The following DNHD1 variants were observed in gnomAD, a reference collection of about 807,000 sequenced individuals.
DNHD1 encodes dynein heavy chain domain-containing protein 1.
A neutral mutation model predicts 458.1 loss-of-function variants in DNHD1; 383 were observed. The ratio of observed to expected loss-of-function variants is 0.84; its 90% CI spans 0.77 to 0.91. The LOEUF (loss-of-function observed/expected upper bound fraction) is 0.91. Among genes scored for constraint, DNHD1 ranks in the 40% least tolerant of loss-of-function variants. The pLI is 0.00. For missense variants in DNHD1, 5,336 were observed against 5,866.1 expected, an observed-to-expected ratio of 0.91 and a Z score of 2.95; for synonymous variants, 2,203 against 2,376.9, an observed-to-expected ratio of 0.93 and a Z score of 2.13.
intron 14 of DNHD1, 197 bp downstream of exon 14, chr11:6,534,370 A>T: frequency 1.7e-6 from 1 of 596,966 alleles, no homozygotes; most frequent in Non-Finnish European, 2.8e-6. Context: ...TGTTGTGCTT[A>T]GGGTGGGGGT....
chr11:6,514,199 G>A (rs1182532123), intron 7 of DNHD1, among the ~76,000 whole-genome samples: 1 of 152,100 alleles, frequency 6.6e-6, no homozygotes, highest in Admixed American at 6.5e-5. Flanking sequence ...CACCTCCTGT[G>A]TTCAAGTGAT....
chr11:6,552,415 T>C (rs1448142514), intron 24 of DNHD1, among the ~76,000 whole-genome samples: 24 of 151,864 alleles, frequency 1.6e-4, no homozygotes, highest in Admixed American at 1.6e-3. Context: ...TCCCAACTAC[T>C]TGGGAGGCTG....
intron 6 of DNHD1, among the ~76,000 whole-genome samples, chr11:6,509,692 T>C (rs2134376551): frequency 6.6e-6 from 1 of 152,326 alleles, no homozygotes; most frequent in South Asian, 2.1e-4. Flanking sequence ...TTCCAAGATA[T>C]TACTTGGATT....
chr11:6,549,891 G>T (rs1289304582), intron 24 of DNHD1, among the ~76,000 whole-genome samples: 1 of 152,188 alleles, frequency 6.6e-6, no homozygotes, highest in Non-Finnish European at 1.5e-5. Flanking sequence ...GAAGTGTAAA[G>T]TTTCTAAAGT....
Position 6,566,584 on chromosome 11 carries a change from A to C in DNHD1, c.11207-3A>C, listed in dbSNP as rs1329213371. On this transcript the variant is annotated splice_region_variant and splice_polypyrimidine_tract_variant and intron_variant, in intron 34 of 42. Coordinates refer to ENST00000254579, the MANE Select transcript of DNHD1 (RefSeq NM_144666.3). ...GGTTAAGCATCTCCCATGTTACCCC[A>C]AGTGCTAGGTTGTGAACTGCTAAAG... 1.9e-6 allele frequency: 3 copies of C among 1,613,214 alleles called. No homozygotes were observed. The Admixed American group carries it at 5.0e-5, about 27-fold the overall frequency.
At position 6,498,424 on chromosome 11, in the gene DNHD1, C is replaced by T. The variant is rs2134358832; in HGVS notation, c.209C>T (p.Ser70Leu). The T allele has an allele frequency of 6.2e-7, 1 of 1,614,222 alleles. No individual in the cohort carries two copies. The highest frequency in any genetic ancestry group is 1.6e-4 in the Middle Eastern group (1 of 6,062). Reference protein sequence around the residue: ...LLLAELRTLFSAVLQDSSPAA... With the variant: ...LLLAELRTLFLAVLQDSSPAA... ...CTAGCTGAGCTCCGAACTCTGTTCT[C>T]AGCTGTGTTGCAGGACAGTAGCCCT... Residue 70 changes from serine (S) to leucine (L), a missense_variant, in exon 3 of 43, where the codon TCA (serine) becomes TTA (leucine). Physicochemically the swap from Ser to Leu is moderately radical, Grantham distance 145 (BLOSUM62 -2). This residue lies in a region of DNHD1 where 3,932 missense variants were observed against 4,365.6 expected (regional missense o/e 0.90). Coordinates refer to ENST00000254579, the MANE Select transcript of DNHD1 (RefSeq NM_144666.3).
chr11:6,552,130 T>C (rs772450494), intron 24 of DNHD1, among the ~76,000 whole-genome samples: 3 of 149,886 alleles, frequency 2.0e-5, no homozygotes, highest in Non-Finnish European at 4.4e-5. Context: ...AAAAACTTTA[T>C]GCTAATAAAT....
intron 6 of DNHD1, among the ~76,000 whole-genome samples, chr11:6,510,760 T>G (rs555758128): frequency 2.0e-4 from 31 of 152,326 alleles, no homozygotes; most frequent in Non-Finnish European, 3.5e-4. Context: ...GTCTGATTAT[T>G]AGGAGTCTTT....
In DNHD1 at chr11:6,551,675, G is replaced by C. The variant is rs147004542; in HGVS notation, c.7387+2742G>C. ...AAGGGAGCCAGGGCCGGGCACTGTG[G>C]CTCACGCCTGTAATCCCGGCACTTT... On this transcript the variant is annotated intron_variant, in intron 24 of 42. Transcript: ENST00000254579. Among the ~76,000 whole-genome samples the C allele has an allele frequency of 1.8e-4, 28 of 152,314 alleles. No individual in the cohort carries two copies. The East Asian group carries it at 4.4e-3, about 24-fold the overall frequency.
At position 6,528,639 on chromosome 11, in the gene DNHD1, A is replaced by C; in HGVS notation, c.1955A>C (p.Lys652Thr). 1 of 1,551,708 alleles carries C rather than the reference A, an allele frequency of 6.4e-7. No homozygotes were observed. Among genetic ancestry groups the C allele is most frequent in the Non-Finnish European group, 8.7e-7 (1 of 1,147,004 alleles). ...AATGTGGGATTGGTGTGGCCCTGGA[A>C]GTCTCACCCAATTGCTGGTATCTTG... ...GPNVGLVWPW[K>T]SHPIAGILEV... Residue 652 changes from lysine to threonine, a missense_variant, in exon 11 of 43, where the codon AAG becomes ACG. Lys to Thr is a moderately conservative substitution (Grantham distance 78). Transcript: ENST00000254579.
In DNHD1 at chr11:6,571,897, A is replaced by T; in HGVS notation, c.14173A>T (p.Ile4725Phe). The T allele has an allele frequency of 6.2e-7, 1 of 1,614,040 alleles. No individual in the cohort carries two copies. The highest frequency in any genetic ancestry group is 8.5e-7 in the Non-Finnish European group (1 of 1,179,898). The change falls in exon 43 of 43, where the codon ATC (isoleucine) becomes TTC (phenylalanine). Residue 4725 changes from isoleucine to phenylalanine, a missense_variant. Coordinates refer to ENST00000254579, the MANE Select transcript of DNHD1 (RefSeq NM_144666.3). This position sits in a 1 kb window ranked among gnomAD's most constrained non-coding sequence, Gnocchi z 5.0. ...LGTAKLQSRN[I>F]VMHLPLPTKL... ...CACCGCTAAGCTGCAGAGCAGGAAC[A>T]TCGTGATGCATCTGCCTTTACCCAC...
chr11:6,551,375 A>G (rs59011286), intron 24 of DNHD1, among the ~76,000 whole-genome samples: 24,664 of 152,170 alleles, frequency 0.16, 3,298 homozygotes, highest in African/African-American at 0.37. Flanking sequence ...CTTGGAATCA[A>G]TGACCTAAAT....
chr11:6,562,106 G>C (rs894323069), intron 28 of DNHD1, among the ~76,000 whole-genome samples: 2 of 152,062 alleles, frequency 1.3e-5, no homozygotes, highest in Non-Finnish European at 2.9e-5. Context: ...GCCTGAGCAT[G>C]AGTGACTGAC....
intron 24 of DNHD1, among the ~76,000 whole-genome samples, chr11:6,552,485 T>C (rs1365843239): frequency 6.6e-6 from 1 of 151,798 alleles, no homozygotes; most frequent in Non-Finnish European, 1.5e-5. Flanking sequence ...GATCACGCCA[T>C]TGCACTCCAG....
At chr11:6,561,893 G>T (rs952685106) in intron 28 of DNHD1, among the ~76,000 whole-genome samples, 6 of 152,216 alleles carry the variant, frequency 3.9e-5, no homozygotes, top group African/African-American at 1.4e-4. Flanking sequence ...CTAGGAGAGA[G>T]AAAAGAGATG....
Position 6,533,925 on chromosome 11 carries a change from T to C in DNHD1, c.2750T>C (p.Phe917Ser). 3.2e-6 allele frequency: 5 copies of C among 1,551,046 alleles called. No individual in the cohort carries two copies. The highest frequency in any genetic ancestry group is 4.4e-6 in the Non-Finnish European group (5 of 1,146,830). ...CTGGATATGTGGGAGGCATTTCAGT[T>C]TGAGAAAAGCCAGGCTTCAGAGTTC... is the stretch of plus-strand genomic sequence containing the variant. ...QLLDMWEAFQ[F>S]EKSQASEFLL... The change falls in exon 14 of 43, where the codon TTT (phenylalanine) becomes TCT (serine). Residue 917 changes from phenylalanine (F) to serine (S), a missense_variant. Around this residue, in one of 4 missense-constraint regions of DNHD1, gnomAD observed 3,932 missense variants for 4,365.6 expected, o/e 0.90. Coordinates refer to ENST00000254579, the MANE Select transcript of DNHD1 (RefSeq NM_144666.3).
At position 6,546,040 on chromosome 11, in the gene DNHD1, G is replaced by A. The variant is rs1853208724; in HGVS notation, c.5101G>A (p.Ala1701Thr). The change falls in exon 21 of 43, where the codon GCA (alanine) becomes ACA (threonine). Residue 1701 changes from alanine to threonine, a missense_variant. Around this residue, in one of 4 missense-constraint regions of DNHD1, gnomAD observed 3,932 missense variants for 4,365.6 expected, o/e 0.90. Transcript: ENST00000254579. ...VGKRAIVNSLAQALGRQLVML... is the reference protein window; with the variant it reads ...VGKRAIVNSLTQALGRQLVML... ...CAAGAGAGCTATAGTGAACAGCCTGGCACAGGCCCTGGGCCGCCAGCTGGT... is the reference window on the plus strand; with the variant it reads ...CAAGAGAGCTATAGTGAACAGCCTGACACAGGCCCTGGGCCGCCAGCTGGT... 6.4e-7 allele frequency: 1 copy of A among 1,551,424 alleles called. No homozygotes were observed. The highest frequency in any genetic ancestry group is 8.7e-7 in the Non-Finnish European group (1 of 1,146,752).
At position 6,564,012 on chromosome 11, in the gene DNHD1, C is replaced by T. The variant is rs1020519929; in HGVS notation, c.10172C>T (p.Ser3391Phe). The T allele has an allele frequency of 4.5e-6, 7 of 1,551,598 alleles. No individual in the cohort carries two copies. The Admixed American group carries it at 7.8e-5, about 17-fold the overall frequency. The change falls in exon 31 of 43, where the codon TCC becomes TTC. Residue 3391 changes from serine to phenylalanine, a missense_variant. Transcript: ENST00000254579. ...AAGATGGTGGAGGATGCCCAAGCTTCCCACAACTGCGTGGCAAAGACCCTC... is the reference window on the plus strand; with the variant it reads ...AAGATGGTGGAGGATGCCCAAGCTTTCCACAACTGCGTGGCAAAGACCCTC... ...LAKMVEDAQA[S>F]HNCVAKTLSQ...
In DNHD1 at chr11:6,502,931, T is replaced by C. The variant is rs374239192; in HGVS notation, c.920+5T>C. ...GGCTCCCAGCCGGTACTTTAGGTGATAGCCTATGTCCAGGCCCCTTCTCCT... is the reference window on the plus strand; with the variant it reads ...GGCTCCCAGCCGGTACTTTAGGTGACAGCCTATGTCCAGGCCCCTTCTCCT... On this transcript the variant is annotated splice_donor_5th_base_variant and intron_variant, in intron 4 of 42. Coordinates refer to ENST00000254579, the MANE Select transcript of DNHD1 (RefSeq NM_144666.3). 6.1e-5 allele frequency: 98 copies of C among 1,613,410 alleles called. No individual in the cohort carries two copies. The African/African-American group carries it at 1.0e-3, about 17-fold the overall frequency.
Sources: allele counts gnomAD v4.1 joint callset (sites outside exome capture counted in the v4.1 genomes callset), GRCh38; gene constraint gnomAD v4.1.1; regional missense constraint gnomAD v4.1.1; non-coding constraint Gnocchi (gnomAD v3.1); transcripts MANE v1.5; gene names NCBI Gene and HGNC (gene_info 2026-07-23, HGNC 2026-07-21).